The following RASEF variants were observed in gnomAD, a reference collection of about 807,000 sequenced individuals.
RASEF encodes ras and EF-hand domain-containing protein.
RASEF carries 68 observed loss-of-function variants against 90.1 expected under a neutral mutation model. That is an observed-to-expected ratio of 0.75 (90% CI 0.62 to 0.92). The LOEUF (loss-of-function observed/expected upper bound fraction) is 0.92. Ranked by LOEUF, RASEF falls within the 40% of genes least tolerant of loss-of-function variation. The pLI is 0.00. For synonymous variants in RASEF, 331 were observed against 345.2 expected, an observed-to-expected ratio of 0.96 and a Z score of 0.46; for missense variants, 949 against 937.2, an observed-to-expected ratio of 1.01 and a Z score of -0.16.
intron 6 of RASEF, among the ~76,000 whole-genome samples, chr9:83,008,482 G>A (rs1829173117): frequency 6.6e-6 from 1 of 151,826 alleles, no homozygotes; most frequent in South Asian, 2.1e-4. Context: ...GCCTTACCTG[G>A]AACATCTCTG....
the RASEF span, among the ~76,000 whole-genome samples, chr9:83,092,003 CTTTTTTTTTT>C: frequency 1.5e-3 from 54 of 35,930 alleles, no homozygotes; most frequent in African/African-American, 4.2e-3. Flanking sequence ...TCTTTTATTT[CTTTTTTTTTT>C]TTTTTTTTTT....
At chr9:83,082,239 G>A in the RASEF span, among the ~76,000 whole-genome samples, 12 of 152,200 alleles carry the variant, frequency 7.9e-5, no homozygotes, top group South Asian at 2.1e-4. Context: ...TCACATCAAC[G>A]TAATTAGAGA....
intron 6 of RASEF, among the ~76,000 whole-genome samples, chr9:83,009,267 C>G (rs1829195805): frequency 6.6e-6 from 1 of 151,880 alleles, no homozygotes; most frequent in Non-Finnish European, 1.5e-5. Context: ...CACCATACTG[C>G]AAAACTAACA....
chr9:83,210,790 C>T, the RASEF span, among the ~76,000 whole-genome samples: 1 of 152,160 alleles, frequency 6.6e-6, no homozygotes, highest in East Asian at 1.9e-4. Context: ...GGTAACCAAC[C>T]ATCCCTGTTT....
At chr9:83,041,818 T>G (rs555072176) in intron 1 of RASEF, among the ~76,000 whole-genome samples, 2 of 152,332 alleles carry the variant, frequency 1.3e-5, no homozygotes, top group East Asian at 3.9e-4. Context: ...TTTGGCACAT[T>G]ATTCAAGGAT....
At chr9:83,077,227 T>C in the RASEF span, among the ~76,000 whole-genome samples, 83,960 of 151,866 alleles carry the variant, frequency 0.55, 23,646 homozygotes, top group East Asian at 0.77. Flanking sequence ...AAAAGAGACA[T>C]GAGTGGGCAT....
At chr9:83,029,393 C>CTT (rs869144602) in intron 1 of RASEF, among the ~76,000 whole-genome samples, 5 of 134,820 alleles carry the variant, frequency 3.7e-5, no homozygotes, top group African/African-American at 5.5e-5. Flanking sequence ...GACTTGCCTT[C>CTT]TTTTTTTTTT....
chr9:83,076,049 T>A, the RASEF span, among the ~76,000 whole-genome samples: 2 of 151,694 alleles, frequency 1.3e-5, no homozygotes, highest in Non-Finnish European at 2.9e-5. Context: ...GTGCCTGTAA[T>A]CCCAGCTACT....
intron 1 of RASEF, chr9:83,048,352 T>G: frequency 1.0e-6 from 1 of 985,426 alleles, no homozygotes; most frequent in East Asian, 1.1e-4. Flanking sequence ...CTGTTTGATT[T>G]CTGACCACCA....
At chr9:83,086,580 G>A in the RASEF span, among the ~76,000 whole-genome samples, 9 of 152,268 alleles carry the variant, frequency 5.9e-5, no homozygotes, top group African/African-American at 1.4e-4. Flanking sequence ...GGTGCTTCAC[G>A]AGGTTGAGGT....
At position 83,001,147 on chromosome 9, in the gene RASEF, A is replaced by C; in HGVS notation, c.1203-17T>G. On this transcript the variant is annotated splice_polypyrimidine_tract_variant and intron_variant, in intron 9 of 16. Coordinates refer to ENST00000376447, the MANE Select transcript of RASEF (RefSeq NM_152573.4). ...CGGGATGACCTGGTAATAAAGGGGAAGACCAATTTACCTGAGGGCTGGAAA... is the reference window on the plus strand; with the variant it reads ...CGGGATGACCTGGTAATAAAGGGGACGACCAATTTACCTGAGGGCTGGAAA... 1 of 1,580,686 alleles carries C rather than the reference A, an allele frequency of 6.3e-7. No individual in the cohort carries two copies.
the RASEF span, among the ~76,000 whole-genome samples, chr9:83,212,538 T>C: frequency 6.6e-6 from 1 of 152,252 alleles, no homozygotes; most frequent in African/African-American, 2.4e-5. Flanking sequence ...TATATATAGA[T>C]AAACAGATAG....
the RASEF span, among the ~76,000 whole-genome samples, chr9:83,077,610 G>T: frequency 6.6e-6 from 1 of 152,088 alleles, no homozygotes; most frequent in Non-Finnish European, 1.5e-5. Context: ...CAAAAAAGAG[G>T]GAAAGATCTA....
the RASEF span, among the ~76,000 whole-genome samples, chr9:83,095,372 C>T: frequency 1.3e-5 from 2 of 151,226 alleles, no homozygotes; most frequent in East Asian, 3.9e-4. Context: ...ACCCCTATGG[C>T]AGCAGGAAGC....
the RASEF span, among the ~76,000 whole-genome samples, chr9:83,190,041 C>T: frequency 6.6e-6 from 1 of 152,164 alleles, no homozygotes; most frequent in East Asian, 1.9e-4. Flanking sequence ...TCGCTTCCCT[C>T]CCCCTGCAGT....
intron 14 of RASEF, among the ~76,000 whole-genome samples, chr9:82,996,475 C>G (rs529773903): frequency 6.6e-6 from 1 of 152,116 alleles, no homozygotes; most frequent in Non-Finnish European, 1.5e-5. Context: ...AGAAGCTATG[C>G]CCATGTTTAA....
At chr9:83,148,958 G>T in the RASEF span, among the ~76,000 whole-genome samples, 1 of 152,192 alleles carries the variant, frequency 6.6e-6, no homozygotes. Flanking sequence ...TTCAGCCCAC[G>T]CTCTGTCACA....
chr9:83,078,869 A>C, the RASEF span, among the ~76,000 whole-genome samples: 1 of 152,144 alleles, frequency 6.6e-6, no homozygotes, highest in Non-Finnish European at 1.5e-5. Flanking sequence ...ATGTCTGTTC[A>C]TATCCTTTGC....
At chr9:83,010,421 G>A (rs899567466) in intron 5 of RASEF, among the ~76,000 whole-genome samples, 9 of 152,198 alleles carry the variant, frequency 5.9e-5, no homozygotes, top group Non-Finnish European at 1.0e-4. Flanking sequence ...CTTCTAGAAA[G>A]TGGAAACTGA....
Sources: gnomAD v4.1 joint callset for allele counts (sites outside exome capture counted in the v4.1 genomes callset) on GRCh38, gnomAD v4.1.1 for gene constraint, MANE v1.5 for transcripts, NCBI Gene and HGNC (gene_info 2026-07-23, HGNC 2026-07-21) for gene names.